The following NALF1 variants were observed in gnomAD, a reference collection of about 807,000 sequenced individuals.
NALF1 encodes the protein family with sequence similarity 155 member A.
Under a neutral mutation model 48.4 loss-of-function variants are expected in NALF1, and 3 were observed. The ratio of observed to expected loss-of-function variants is 0.06; its 90% confidence interval spans 0.03 to 0.16. NALF1 has a LOEUF of 0.16. NALF1 is among the 10% of genes least tolerant of loss of function. NALF1 has a pLI of 1.00. For missense variants in NALF1, 526 were observed against 571.5 expected (o/e 0.92, Z 0.81); for synonymous variants, 262 against 245.7 (o/e 1.07, Z -0.62).
chr13:107,440,987 G>C (rs1229856392), intron 1 of NALF1, among the ~76,000 whole-genome samples: 1 of 152,092 alleles, frequency 6.6e-6, no homozygotes, highest in Admixed American at 6.5e-5. Flanking sequence ...ACAGGTAGAT[G>C]CTACCTAAAA....
chr13:107,273,333 T>G (rs1881214078), intron 1 of NALF1, among the ~76,000 whole-genome samples: 1 of 152,192 alleles, frequency 6.6e-6, no homozygotes, highest in African/African-American at 2.4e-5. Context: ...CCTGTTCTTT[T>G]GGGGGGATGC....
intron 1 of NALF1, among the ~76,000 whole-genome samples, chr13:107,828,663 C>A (rs1879607525): frequency 6.6e-6 from 1 of 150,682 alleles, no homozygotes; most frequent in South Asian, 2.1e-4. Flanking sequence ...CCCACAGCAA[C>A]AAACATGATT....
intron 1 of NALF1, among the ~76,000 whole-genome samples, chr13:107,744,140 A>G (rs1876713344): frequency 6.6e-6 from 1 of 152,314 alleles, no homozygotes; most frequent in Non-Finnish European, 1.5e-5. Context: ...CAGCACAGAA[A>G]GTACAGCAGA....
At chr13:107,514,026 T>C (rs1875978206) in intron 1 of NALF1, among the ~76,000 whole-genome samples, 1 of 152,154 alleles carries the variant, frequency 6.6e-6, no homozygotes, top group Non-Finnish European at 1.5e-5. Flanking sequence ...TATCTGCCAT[T>C]GTCTCTCTTC....
chr13:107,328,853 C>G (rs536640227), intron 1 of NALF1, among the ~76,000 whole-genome samples: 6 of 152,186 alleles, frequency 3.9e-5, no homozygotes, highest in Non-Finnish European at 8.8e-5. Context: ...TTTGCAGAAT[C>G]TTGAACCATC....
chr13:107,270,665 ATT>A (rs1199430018), intron 1 of NALF1, among the ~76,000 whole-genome samples: 2 of 148,852 alleles, frequency 1.3e-5, no homozygotes, highest in East Asian at 2.0e-4. Context: ...ATATATATAT[ATT>A]TTTATTATTA....
chr13:107,261,392 G>A (rs1482516960), intron 1 of NALF1, among the ~76,000 whole-genome samples: 1 of 152,104 alleles, frequency 6.6e-6, no homozygotes, highest in African/African-American at 2.4e-5. Flanking sequence ...GATGAATGCT[G>A]TTGGCTGCGT....
intron 2 of NALF1, among the ~76,000 whole-genome samples, chr13:107,173,832 T>G (rs1355331859): frequency 6.6e-6 from 1 of 152,266 alleles, no homozygotes; most frequent in Admixed American, 6.5e-5. Flanking sequence ...TTCAGATTTA[T>G]TCAAGCACTG....
At position 107,800,603 on chromosome 13, in the gene NALF1, GTAATA is replaced by G. The variant is rs200861608; in HGVS notation, c.915+65074_915+65078del. ...TAATATACAATATATAATAAATTAT[GTAATA>G]TAATATATATATTATATAATTATAT... On this transcript the variant is annotated intron_variant, in intron 1 of 2. Coordinates refer to ENST00000375915, the MANE Select transcript of NALF1 (RefSeq NM_001080396.3). Among the ~76,000 whole-genome samples, 5,340 of 146,348 alleles carry G rather than the reference GTAATA, an allele frequency of 0.036. 465 individuals carry two copies. The East Asian group carries it at 0.39, about 11-fold the overall frequency.
At chr13:107,346,444 T>C (rs563706265) in intron 1 of NALF1, among the ~76,000 whole-genome samples, 3 of 152,160 alleles carry the variant, frequency 2.0e-5, no homozygotes, top group African/African-American at 7.2e-5. Context: ...ATTCTGCCTT[T>C]AAAAAGGGAA....
At chr13:107,379,555 T>G (rs1646283792) in intron 1 of NALF1, among the ~76,000 whole-genome samples, 1 of 152,138 alleles carries the variant, frequency 6.6e-6, no homozygotes, top group African/African-American at 2.4e-5. Flanking sequence ...GGAGCCCAAC[T>G]CTACACCTGC....
At chr13:107,844,541 G>A (rs75345961) in intron 1 of NALF1, among the ~76,000 whole-genome samples, 2,908 of 152,162 alleles carry the variant, frequency 0.019, 51 homozygotes, top group African/African-American at 0.046. Flanking sequence ...CTACAGACTA[G>A]CTCTTCACAG....
intron 1 of NALF1, among the ~76,000 whole-genome samples, chr13:107,374,006 T>G (rs565864333): frequency 1.3e-5 from 2 of 152,350 alleles, no homozygotes; most frequent in East Asian, 3.9e-4. Flanking sequence ...ATAAAAACAT[T>G]TGGGACGTTT....
At chr13:107,858,116 A>G (rs1224468801) in intron 1 of NALF1, among the ~76,000 whole-genome samples, 1 of 152,208 alleles carries the variant, frequency 6.6e-6, no homozygotes, top group Non-Finnish European at 1.5e-5. Flanking sequence ...AGGTTACCTA[A>G]GCCTTTGACA....
intron 1 of NALF1, among the ~76,000 whole-genome samples, chr13:107,344,927 A>G (rs973097495): frequency 6.6e-6 from 1 of 152,130 alleles, no homozygotes; most frequent in South Asian, 2.1e-4. Context: ...ACACATAAAA[A>G]TCCCTAAAGA....
chr13:107,634,852 CAAT>C (rs1270298867), intron 1 of NALF1, among the ~76,000 whole-genome samples: 1 of 151,990 alleles, frequency 6.6e-6, no homozygotes, highest in Non-Finnish European at 1.5e-5. Context: ...AAATGGTCTA[CAAT>C]GGGAACTGGA....
chr13:107,753,200 CT>C lies in NALF1; in HGVS notation c.915+112481del, dbSNP rs1876988733. On this transcript the variant is annotated intron_variant, in intron 1 of 2. Transcript: ENST00000375915. ...GATATCTGTCCACTCATCCACAGGCCTTTCCTATTATCTTGAAAGATTCCAA... is the reference window on the plus strand; with the variant it reads ...GATATCTGTCCACTCATCCACAGGCCTTCCTATTATCTTGAAAGATTCCAA... 2.6e-5 allele frequency among the ~76,000 whole-genome samples: 4 copies of C among 152,170 alleles called. 1 individual carries two copies. In the South Asian group the frequency reaches 8.3e-4, roughly 31 times the overall value.
chr13:107,713,124 C>T (rs1224372127), intron 1 of NALF1, among the ~76,000 whole-genome samples: 1 of 152,198 alleles, frequency 6.6e-6, no homozygotes, highest in African/African-American at 2.4e-5. Flanking sequence ...GGGGCTACGG[C>T]AAAGCAGCAG....
chr13:107,615,201 C>A (rs11617994), intron 1 of NALF1, among the ~76,000 whole-genome samples: 1 of 152,096 alleles, frequency 6.6e-6, no homozygotes, highest in Non-Finnish European at 1.5e-5. Flanking sequence ...TTTATACATT[C>A]ATATTTTTTT....
Sources: allele counts gnomAD v4.1 joint callset (sites outside exome capture counted in the v4.1 genomes callset), GRCh38; gene constraint gnomAD v4.1.1; transcripts MANE v1.5; gene names NCBI Gene and HGNC (gene_info 2026-07-23, HGNC 2026-07-21).